The following ZNF385D variants were observed in gnomAD, a reference collection of about 807,000 sequenced individuals.
ZNF385D encodes zinc finger protein 659.
A neutral mutation model predicts 35.8 loss-of-function variants in ZNF385D; 15 were observed. The observed-to-expected ratio is 0.42, with a 90% CI of 0.28 to 0.64. The LOEUF is 0.64. ZNF385D is among the 30% of genes least tolerant of loss of function. The pLI is 0.23. For missense variants in ZNF385D, 474 were observed against 494.6 expected (o/e 0.96, Z 0.39); for synonymous variants, 212 against 186.8 (o/e 1.13, Z -1.10).
At chr3:22,127,265 T>C (rs988757771) in intron 3 of ZNF385D, among the ~76,000 whole-genome samples, 2 of 150,608 alleles carry the variant, frequency 1.3e-5, no homozygotes, top group African/African-American at 4.9e-5. Context: ...CCTTCTGTCC[T>C]ATATTCTTTT....
At chr3:21,645,612 T>A (rs2065726862) in intron 2 of ZNF385D, among the ~76,000 whole-genome samples, 1 of 152,142 alleles carries the variant, frequency 6.6e-6, no homozygotes, top group Non-Finnish European at 1.5e-5. Context: ...ACAGATGTTT[T>A]TTTGTGAGCT....
chr3:21,873,743 T>C (rs1290445798), intron 3 of ZNF385D, among the ~76,000 whole-genome samples: 1 of 152,148 alleles, frequency 6.6e-6, no homozygotes, highest in African/African-American at 2.4e-5. Flanking sequence ...ATTTGTCCTT[T>C]TGTGACTGGT....
intron 3 of ZNF385D, among the ~76,000 whole-genome samples, chr3:21,825,228 A>G (rs773235815): frequency 2.0e-5 from 3 of 152,206 alleles, no homozygotes; most frequent in Non-Finnish European, 4.4e-5. Flanking sequence ...GACAAGCACC[A>G]AAGGGACTTG....
chr3:22,117,576 T>A (rs1702877051), intron 3 of ZNF385D, among the ~76,000 whole-genome samples: 1 of 106,214 alleles, frequency 9.4e-6, no homozygotes, highest in South Asian at 2.6e-4. Flanking sequence ...ATTCCACTAT[T>A]TTTTTTTTAC....
At chr3:21,796,775 G>C (rs1325107853) in intron 3 of ZNF385D, among the ~76,000 whole-genome samples, 1 of 152,178 alleles carries the variant, frequency 6.6e-6, no homozygotes, top group East Asian at 1.9e-4. Flanking sequence ...GACACATCTA[G>C]TTAGTGCCAG....
chr3:21,425,345 T>C, intron 6 of ZNF385D, 147 bp downstream of exon 6: 1 of 674,398 alleles, frequency 1.5e-6, no homozygotes, highest in Admixed American at 3.7e-5. Flanking sequence ...GGAAGATAAG[T>C]GGGTTAACAG....
At chr3:21,441,081 T>G (rs542739526) in intron 4 of ZNF385D, among the ~76,000 whole-genome samples, 4 of 152,266 alleles carry the variant, frequency 2.6e-5, no homozygotes, top group Admixed American at 1.3e-4. Flanking sequence ...CCAATAAACA[T>G]AGATCATGTA....
chr3:22,059,713 G>A (rs538348792), intron 3 of ZNF385D, among the ~76,000 whole-genome samples: 5 of 152,122 alleles, frequency 3.3e-5, no homozygotes, highest in South Asian at 4.1e-4. Flanking sequence ...GAGATTTTTC[G>A]ATTTTGTTTG....
intron 5 of ZNF385D, among the ~76,000 whole-genome samples, chr3:21,435,661 G>A (rs73045433): frequency 0.017 from 2,576 of 152,170 alleles, 35 homozygotes; most frequent in Middle Eastern, 0.037. Flanking sequence ...GTCACTATGC[G>A]GAATGACCAA....
At chr3:22,050,834 T>G (rs965887629) in intron 3 of ZNF385D, among the ~76,000 whole-genome samples, 4 of 152,238 alleles carry the variant, frequency 2.6e-5, no homozygotes, top group Non-Finnish European at 4.4e-5. Flanking sequence ...ACTTTCACAA[T>G]CTCTTCACTT....
intron 3 of ZNF385D, among the ~76,000 whole-genome samples, chr3:21,871,216 A>G (rs2125846937): frequency 6.6e-6 from 1 of 152,208 alleles, no homozygotes; most frequent in African/African-American, 2.4e-5. Flanking sequence ...CCCTCTACCT[A>G]GAACATTCTT....
chr3:22,017,441 A>C (rs1411153871), intron 3 of ZNF385D, among the ~76,000 whole-genome samples: 1 of 151,962 alleles, frequency 6.6e-6, no homozygotes, highest in Admixed American at 6.6e-5. Flanking sequence ...ATCTCTTGTA[A>C]AGAAATCAAA....
intron 3 of ZNF385D, among the ~76,000 whole-genome samples, chr3:22,006,842 T>C (rs757403419): frequency 2.6e-5 from 4 of 151,920 alleles, no homozygotes; most frequent in Non-Finnish European, 5.9e-5. Flanking sequence ...GAGTGATAAG[T>C]AGAAACTGAT....
chr3:22,312,912 A>T (rs1179346006), intron 2 of ZNF385D, among the ~76,000 whole-genome samples: 3 of 130,980 alleles, frequency 2.3e-5, no homozygotes, highest in Admixed American at 1.5e-4. Flanking sequence ...GTATATACCC[A>T]AAGGACTATA....
At chr3:21,925,137 T>C (rs1158644373) in intron 3 of ZNF385D, among the ~76,000 whole-genome samples, 1 of 152,186 alleles carries the variant, frequency 6.6e-6, no homozygotes, top group Non-Finnish European at 1.5e-5. Context: ...CTTTTATAGG[T>C]ATACATACAA....
intron 3 of ZNF385D, among the ~76,000 whole-genome samples, chr3:22,011,272 A>G (rs1696557389): frequency 1.3e-5 from 2 of 152,166 alleles, no homozygotes; most frequent in Admixed American, 6.5e-5. Context: ...GTTATTTTAA[A>G]ATATCTAAAA....
chr3:21,563,833 G>C (rs2125645993), intron 3 of ZNF385D, among the ~76,000 whole-genome samples: 1 of 152,230 alleles, frequency 6.6e-6, no homozygotes, highest in East Asian at 1.9e-4. Flanking sequence ...TATCAAAGCA[G>C]GTTTAGCGGG....
intron 2 of ZNF385D, among the ~76,000 whole-genome samples, chr3:21,581,094 T>G (rs1347879377): frequency 1.3e-5 from 2 of 152,188 alleles, no homozygotes; most frequent in Admixed American, 1.3e-4. Context: ...CATTTTACTT[T>G]GGAAAACACT....
At position 22,020,007 on chromosome 3, in the gene ZNF385D, CTTTGT is replaced by C. The variant is rs530402340; in HGVS notation, c.325+148805_325+148809del. Among the ~76,000 whole-genome samples the C allele has an allele frequency of 2.0e-5, 3 of 151,728 alleles. No homozygotes were observed. In the South Asian group the frequency reaches 6.2e-4, roughly 32 times the overall value. On this transcript the variant is annotated intron_variant, in intron 3 of 5. Coordinates refer to the ZNF385D transcript ENST00000494108. Reference sequence around the variant, plus strand: ...GTGTAATAAAATGACTGCATAAATGCTTTGTTTTAATAATTAAATTAATATTATTA... The same window carrying C: ...GTGTAATAAAATGACTGCATAAATGCTTTAATAATTAAATTAATATTATTA...
Sources: allele counts gnomAD v4.1 joint callset (sites outside exome capture counted in the v4.1 genomes callset), GRCh38; gene constraint gnomAD v4.1.1; transcripts MANE v1.5; gene names NCBI Gene and HGNC (gene_info 2026-07-23, HGNC 2026-07-21).